Variants in PINX1 observed in about 807,000 individuals in gnomAD.
PINX1 encodes PIN2/TERF1-interacting telomerase inhibitor 1.
Under a neutral mutation model 25.4 loss-of-function variants are expected in PINX1, and 34 were observed. The observed-to-expected ratio is 1.34, with a 90% confidence interval of 1.02 to 1.78. The LOEUF (loss-of-function observed/expected upper bound fraction) is 1.78, where lower values mean the gene tolerates loss of function less well. Among genes scored for constraint, PINX1 ranks in the 40% most tolerant of loss-of-function variants. The pLI is 0.00. For missense variants in PINX1, 592 were observed against 404.9 expected, an observed-to-expected ratio of 1.46 and a Z score of -3.97; for synonymous variants, 197 against 147.7, an observed-to-expected ratio of 1.33 and a Z score of -2.42.
Position 10,765,846 on chromosome 8 carries a change from T to C in PINX1, c.542A>G (p.Tyr181Cys), listed in dbSNP as rs1801022700. 6.2e-7 allele frequency: 1 copy of C among 1,613,930 alleles called. No individual in the cohort carries two copies. The highest frequency in any genetic ancestry group is 1.6e-4 in the Middle Eastern group (1 of 6,062). Residue 181 changes from tyrosine to cysteine, a missense_variant, in exon 7 of 7, where the codon TAC becomes TGC. Coordinates refer to ENST00000314787, the MANE Select transcript of PINX1 (RefSeq NM_017884.6). ...CAGTGCTGCCATCCGCTTGGCAAAG[T>C]ACTCCTGGATGGTGAAGGCGCTGGT... ...TTTSAFTIQE[Y>C]FAKRMAALKN... is the part of the protein sequence containing the mutation.
chr8:10,824,427 C>A (rs1025509417), intron 5 of PINX1, among the ~76,000 whole-genome samples: 94 of 152,324 alleles, frequency 6.2e-4, no homozygotes, highest in African/African-American at 2.1e-3. Flanking sequence ...TCCAGCTCTT[C>A]TCTGCAATCT....
chr8:10,781,687 T>C (rs781272441), intron 6 of PINX1, among the ~76,000 whole-genome samples: 3 of 152,060 alleles, frequency 2.0e-5, no homozygotes, highest in Non-Finnish European at 4.4e-5. Flanking sequence ...TAAGAGATAA[T>C]AAGTGTTGGC....
chr8:10,838,700 G>A lies in PINX1; in HGVS notation c.19+1038C>T, dbSNP rs138491602. ...TTACTGGTGAAAAAATAGAACCGACGGGTTCAGTCTAAAACATACTCATTT... is the reference window on the plus strand; with the variant it reads ...TTACTGGTGAAAAAATAGAACCGACAGGTTCAGTCTAAAACATACTCATTT... On this transcript the variant is annotated intron_variant, in intron 1 of 6. Coordinates refer to ENST00000314787, the MANE Select transcript of PINX1 (RefSeq NM_017884.6). 7.1e-3 allele frequency among the ~76,000 whole-genome samples: 1,076 copies of A among 152,276 alleles called. 14 individuals are homozygous for A. Among genetic ancestry groups the A allele is most frequent in the African/African-American group, 0.024 (1,008 of 41,554 alleles).
intron 6 of PINX1, among the ~76,000 whole-genome samples, chr8:10,816,458 T>G (rs1030461003): frequency 6.6e-6 from 1 of 152,174 alleles, no homozygotes; most frequent in Non-Finnish European, 1.5e-5. Context: ...CAACACAACA[T>G]CTATGCTCCA....
Position 10,826,214 on chromosome 8 carries a change from A to C in PINX1, c.332T>G (p.Phe111Cys), listed in dbSNP as rs769332643. 1 of 1,594,304 alleles carries C rather than the reference A, an allele frequency of 6.3e-7. No individual in the cohort carries two copies. The highest frequency in any genetic ancestry group is 1.3e-5 in the African/African-American group (1 of 74,402). Reference sequence around the variant, plus strand: ...GATTTTGGACTTTTCCTCAAGGCTAAAAGATTTCTTTTCCTTCTTGTCCGA... The same window carrying C: ...GATTTTGGACTTTTCCTCAAGGCTACAAGATTTCTTTTCCTTCTTGTCCGA... The part of the protein sequence containing the change: ...DSSDKKEKKS[F>C]SLEEKSKISK... The change falls in exon 5 of 7, where the codon TTT (phenylalanine) becomes TGT (cysteine). Residue 111 changes from phenylalanine to cysteine, a missense_variant. Phe to Cys is a radical substitution (Grantham distance 205). Coordinates refer to ENST00000314787, the MANE Select transcript of PINX1 (RefSeq NM_017884.6).
intron 6 of PINX1, among the ~76,000 whole-genome samples, chr8:10,798,959 T>G (rs1330937799): frequency 6.6e-6 from 1 of 152,182 alleles, no homozygotes; most frequent in Non-Finnish European, 1.5e-5. Context: ...TCCCAAATTG[T>G]GCACAAGCAG....
At chr8:10,809,384 C>T (rs1297089741) in intron 6 of PINX1, among the ~76,000 whole-genome samples, 2 of 152,234 alleles carry the variant, frequency 1.3e-5, no homozygotes, top group East Asian at 1.9e-4. Flanking sequence ...TTACAGACCA[C>T]TGACAGAACA....
Position 10,765,649 on chromosome 8 carries a change from C to T in PINX1, c.739G>A (p.Glu247Lys), listed in dbSNP as rs960354459. 6.2e-7 allele frequency: 1 copy of T among 1,613,864 alleles called. No homozygotes were observed. The highest frequency in any genetic ancestry group is 8.5e-7 in the Non-Finnish European group (1 of 1,179,906). The change falls in exon 7 of 7, where the codon GAG becomes AAG. Residue 247 changes from glutamate (E) to lysine (K), a missense_variant. Coordinates refer to ENST00000314787, the MANE Select transcript of PINX1 (RefSeq NM_017884.6). The stretch of plus-strand genomic sequence containing the variant: ...GCGCTCTTCTTCTTGGCCACTCGCT[C>T]CTGGGCCTCGGCCCTCTCGGGCTTT... ...EGKPERAEAQERVAKKKSAPA... is the reference protein window; with the variant it reads ...EGKPERAEAQKRVAKKKSAPA...
At chr8:10,784,900 G>T (rs1563208409) in intron 6 of PINX1, among the ~76,000 whole-genome samples, 2 of 152,212 alleles carry the variant, frequency 1.3e-5, no homozygotes, top group Non-Finnish European at 2.9e-5. Flanking sequence ...TCAGCCTCGT[G>T]CTCTTTGGCA....
Position 10,765,866 on chromosome 8 carries a change from G to C in PINX1, c.522C>G (p.Ser174Arg). ...TPEENETTTT[S>R]AFTIQEYFAK... Reference sequence around the variant, plus strand: ...CAAAGTACTCCTGGATGGTGAAGGCGCTGGTTGTCGTGGTTTCGTTCTCCT... The same window carrying C: ...CAAAGTACTCCTGGATGGTGAAGGCCCTGGTTGTCGTGGTTTCGTTCTCCT... Residue 174 changes from serine to arginine, a missense_variant, in exon 7 of 7, where the codon AGC becomes AGG. Transcript: ENST00000314787. 1 of 1,613,860 alleles carries C rather than the reference G, an allele frequency of 6.2e-7. No individual in the cohort carries two copies. The highest frequency in any genetic ancestry group is 8.5e-7 in the Non-Finnish European group (1 of 1,179,866).
At chr8:10,835,907 T>G (rs1023259043) in intron 1 of PINX1, among the ~76,000 whole-genome samples, 1 of 152,104 alleles carries the variant, frequency 6.6e-6, no homozygotes, top group Non-Finnish European at 1.5e-5. Flanking sequence ...GAACTCCAGT[T>G]TATCACTGTC....
rs549739221 is a variant in PINX1 at position 10,771,783 on chromosome 8, T to C, written c.472-5867A>G. On this transcript the variant is annotated intron_variant, in intron 6 of 6. Coordinates refer to ENST00000314787, the MANE Select transcript of PINX1 (RefSeq NM_017884.6). ...GTAAGAAGAGAATCAGCATTTTGAG[T>C]GCAGATTCCTCCCATCCACATGAAA... Among the ~76,000 whole-genome samples, 3 of 152,180 alleles carry C rather than the reference T, an allele frequency of 2.0e-5. No individual in the cohort carries two copies. In the East Asian group the frequency reaches 5.8e-4, roughly 29 times the overall value.
At chr8:10,778,376 C>G (rs971691918) in intron 6 of PINX1, among the ~76,000 whole-genome samples, 1 of 151,944 alleles carries the variant, frequency 6.6e-6, no homozygotes, top group African/African-American at 2.4e-5. Flanking sequence ...AAATTGTTGT[C>G]GATGAAACCA....
At chr8:10,803,550 C>T (rs1008094785) in intron 6 of PINX1, among the ~76,000 whole-genome samples, 1 of 152,202 alleles carries the variant, frequency 6.6e-6, no homozygotes, top group Admixed American at 6.5e-5. Flanking sequence ...GTTTCGAGCT[C>T]TGTCCCACAT....
rs375223512 is a variant in PINX1 at position 10,805,648 on chromosome 8, A to T, written c.471+14545T>A. Among the ~76,000 whole-genome samples the T allele has an allele frequency of 1.5e-4, 13 of 87,318 alleles. 2 individuals carry two copies. In the East Asian group the frequency reaches 2.6e-3, roughly 17 times the overall value. 57.3% of individuals were successfully genotyped at this position (87,318 alleles called of 152,430 possible). A position where few individuals can be genotyped will look rare whatever the true frequency, so the allele number is the denominator to read the frequency against. On this transcript the variant is annotated intron_variant, in intron 6 of 6. Transcript: ENST00000314787. Reference sequence around the variant, plus strand: ...ACGGAGCACAGGAAGGGGCCACACTAGCGCTGAGTGGGTGACGGAGCACAG... The same window carrying T: ...ACGGAGCACAGGAAGGGGCCACACTTGCGCTGAGTGGGTGACGGAGCACAG...
chr8:10,836,478 A>T (rs1257613503), intron 1 of PINX1, among the ~76,000 whole-genome samples: 1 of 152,212 alleles, frequency 6.6e-6, no homozygotes, highest in Non-Finnish European at 1.5e-5. Flanking sequence ...GGGGTCTTTG[A>T]CTAGGGCTTG....
intron 6 of PINX1, among the ~76,000 whole-genome samples, chr8:10,787,183 T>C (rs1801777415): frequency 6.6e-6 from 1 of 151,898 alleles, no homozygotes; most frequent in South Asian, 2.1e-4. Context: ...TATTTACATA[T>C]ATATACACAC....
chr8:10,815,094 C>T (rs145694406), intron 6 of PINX1, among the ~76,000 whole-genome samples: 13 of 152,262 alleles, frequency 8.5e-5, no homozygotes, highest in Non-Finnish European at 1.6e-4. Flanking sequence ...GTGGATGCCA[C>T]TGAGCCTGGC....
intron 6 of PINX1, among the ~76,000 whole-genome samples, chr8:10,798,517 A>G (rs1802161343): frequency 6.6e-6 from 1 of 152,234 alleles, no homozygotes; most frequent in Non-Finnish European, 1.5e-5. Flanking sequence ...TAAAGAAGAG[A>G]AAAATAACTT....
Sources: allele counts gnomAD v4.1 joint callset (sites outside exome capture counted in the v4.1 genomes callset), GRCh38; gene constraint gnomAD v4.1.1; transcripts MANE v1.5; gene names NCBI Gene and HGNC (gene_info 2026-07-23, HGNC 2026-07-21).